ORC4: variants seen among roughly 807,000 people sequenced by gnomAD.
ORC4 encodes the protein origin recognition complex, subunit 4 homolog.
ORC4 carries 55 observed loss-of-function variants against 63.9 expected under a neutral mutation model. The observed-to-expected ratio is 0.86, with a 90% CI of 0.69 to 1.08. The LOEUF (loss-of-function observed/expected upper bound fraction) is 1.08. ORC4 is among the 50% of genes least tolerant of loss of function. The pLI is 0.00. For synonymous variants in ORC4, 150 were observed against 168.5 expected, an observed-to-expected ratio of 0.89 and a Z score of 0.85; for missense variants, 511 against 504.4, an observed-to-expected ratio of 1.01 and a Z score of -0.13.
At chr2:147,964,556 T>C (rs1276600868) in intron 4 of ORC4, among the ~76,000 whole-genome samples, 1 of 152,168 alleles carries the variant, frequency 6.6e-6, no homozygotes, top group Admixed American at 6.5e-5. Flanking sequence ...TTCCCAGTTC[T>C]TGAGAGAGGA....
rs935031325 is a variant in ORC4, at chr2:147,977,345, C to T, written c.-17-1370G>A. 5.3e-5 allele frequency among the ~76,000 whole-genome samples: 8 copies of T among 152,252 alleles called. No individual in the cohort carries two copies. In the South Asian group the frequency reaches 6.2e-4, roughly 12 times the overall value. ...TTTTGGAACTTTTTTACTGCCAGAA[C>T]TCATAAAACTCAAAAAAAGCTGACT... On this transcript the variant is annotated intron_variant, in intron 1 of 13. Coordinates refer to ENST00000392857, the MANE Select transcript of ORC4 (RefSeq NM_181741.4).
intron 4 of ORC4, among the ~76,000 whole-genome samples, chr2:147,971,357 C>G (rs1690199998): frequency 6.6e-6 from 1 of 151,438 alleles, no homozygotes; most frequent in Admixed American, 6.6e-5. Flanking sequence ...AAGCCACAGA[C>G]TGTAAGAAAA....
chr2:147,964,754 G>A (rs1378021386), intron 4 of ORC4, among the ~76,000 whole-genome samples: 1 of 152,064 alleles, frequency 6.6e-6, no homozygotes, highest in African/African-American at 2.4e-5. Context: ...CTTTATAGCA[G>A]ATTTCTTTTT....
chr2:147,997,339 T>A (rs1224472393), intron 1 of ORC4, among the ~76,000 whole-genome samples: 1 of 152,194 alleles, frequency 6.6e-6, no homozygotes, highest in African/African-American at 2.4e-5. Context: ...TATATATTTA[T>A]CAAAATCCAT....
intron 1 of ORC4, among the ~76,000 whole-genome samples, chr2:148,000,175 T>C (rs1330467092): frequency 2.6e-5 from 4 of 151,850 alleles, no homozygotes; most frequent in African/African-American, 9.7e-5. Flanking sequence ...ACATGAGGAA[T>C]TTTCCCAGAG....
chr2:147,996,724 A>G (rs1189496247), intron 1 of ORC4, among the ~76,000 whole-genome samples: 1 of 152,226 alleles, frequency 6.6e-6, no homozygotes, highest in Non-Finnish European at 1.5e-5. Flanking sequence ...CACACCTATT[A>G]CAATGGCTAA....
In ORC4 at chr2:147,958,443, G is replaced by A. The variant is rs1573787668; in HGVS notation, c.302-60C>T. The A allele has an allele frequency of 2.8e-5, 35 of 1,267,500 alleles. No individual in the cohort carries two copies. In the East Asian group the frequency reaches 8.6e-4, roughly 31 times the overall value. The allele number at this position is 1,267,500 out of a possible 1,614,324, so 78.5% of individuals were successfully genotyped here. A position where few individuals can be genotyped will look rare whatever the true frequency, so the allele number is the denominator to read the frequency against. ...AATTAAACATGTATTTGATACAGCAGGTTGTTTTCCAGTTAAGTAAATCTT... is the reference window on the plus strand; with the variant it reads ...AATTAAACATGTATTTGATACAGCAAGTTGTTTTCCAGTTAAGTAAATCTT... On this transcript the variant is annotated intron_variant, in intron 5 of 13. Coordinates refer to ENST00000392857, the MANE Select transcript of ORC4 (RefSeq NM_181741.4).
intron 6 of ORC4, among the ~76,000 whole-genome samples, chr2:147,957,390 C>G (rs1293140206): frequency 6.6e-6 from 1 of 151,742 alleles, no homozygotes; most frequent in Non-Finnish European, 1.5e-5. Flanking sequence ...TAGAGCGATG[C>G]CACCGCATGG....
chr2:147,980,804 T>C (rs1005761876), intron 1 of ORC4, among the ~76,000 whole-genome samples: 2 of 152,214 alleles, frequency 1.3e-5, no homozygotes, highest in East Asian at 1.9e-4. Flanking sequence ...GAAAACAGTA[T>C]GGAGGTTCTT....
chr2:147,979,274 T>A (rs980482841), intron 1 of ORC4, among the ~76,000 whole-genome samples: 2 of 151,860 alleles, frequency 1.3e-5, no homozygotes, highest in Non-Finnish European at 2.9e-5. Context: ...GGATACAAAA[T>A]CAACATAAAA....
chr2:148,018,334 G>C (rs1021258326), intron 1 of ORC4, among the ~76,000 whole-genome samples: 1 of 152,126 alleles, frequency 6.6e-6, no homozygotes, highest in African/African-American at 2.4e-5. Context: ...AAAGTAAAGG[G>C]ATCTACCATA....
chr2:147,998,439 C>T (rs1181496012), intron 1 of ORC4, among the ~76,000 whole-genome samples: 1 of 152,216 alleles, frequency 6.6e-6, no homozygotes, highest in African/African-American at 2.4e-5. Flanking sequence ...TTCTGGCTCT[C>T]ATGAGACTGG....
intron 1 of ORC4, among the ~76,000 whole-genome samples, chr2:147,994,042 A>G (rs753153827): frequency 5.9e-5 from 9 of 152,232 alleles, no homozygotes; most frequent in Non-Finnish European, 1.3e-4. Context: ...CAAATTGTCA[A>G]CTTCCTTCCT....
At chr2:148,010,338 AAAC>A (rs1692884796) in intron 1 of ORC4, among the ~76,000 whole-genome samples, 1 of 151,964 alleles carries the variant, frequency 6.6e-6, no homozygotes, top group African/African-American at 2.4e-5. Context: ...ATAATAAAGA[AAAC>A]AAGAAAATAA....
intron 4 of ORC4, among the ~76,000 whole-genome samples, chr2:147,962,956 G>A (rs923984883): frequency 3.3e-5 from 5 of 152,036 alleles, no homozygotes; most frequent in African/African-American, 1.2e-4. Context: ...AGCCCTATGG[G>A]CCACCCATGG....
chr2:148,011,528 G>A (rs1692968643), intron 1 of ORC4, among the ~76,000 whole-genome samples: 1 of 152,154 alleles, frequency 6.6e-6, no homozygotes, highest in Admixed American at 6.5e-5. Context: ...ACTGAATGGG[G>A]GAAAAACTGA....
intron 1 of ORC4, among the ~76,000 whole-genome samples, chr2:147,986,415 T>A (rs1014186603): frequency 2.0e-5 from 3 of 152,086 alleles, no homozygotes; most frequent in African/African-American, 7.2e-5. Flanking sequence ...CTCTCATCAA[T>A]GTATCAAATA....
intron 1 of ORC4, among the ~76,000 whole-genome samples, chr2:147,993,389 G>T (rs1198311479): frequency 3.3e-5 from 5 of 151,994 alleles, no homozygotes; most frequent in Non-Finnish European, 5.9e-5. Flanking sequence ...CATTGCTTTA[G>T]AGATAAATTA....
intron 1 of ORC4, among the ~76,000 whole-genome samples, chr2:148,010,249 CAAGA>C (rs1259981253): frequency 2.6e-5 from 4 of 151,258 alleles, no homozygotes; most frequent in African/African-American, 9.7e-5. Context: ...AGTAGAAAAC[CAAGA>C]AATAAACAAC....
Sources: allele counts gnomAD v4.1 joint callset (sites outside exome capture counted in the v4.1 genomes callset), GRCh38; gene constraint gnomAD v4.1.1; transcripts MANE v1.5; gene names NCBI Gene and HGNC (gene_info 2026-07-23, HGNC 2026-07-21).